Variants in EXOSC10 observed in about 807,000 individuals in gnomAD.
EXOSC10 encodes the protein exosome complex component 10.
A neutral mutation model predicts 126.6 loss-of-function variants in EXOSC10; 94 were observed. The ratio of observed to expected loss-of-function variants is 0.74; its 90% CI spans 0.63 to 0.88. The LOEUF (loss-of-function observed/expected upper bound fraction) is 0.88. EXOSC10 is among the 40% of genes least tolerant of loss of function. EXOSC10 has a pLI of 0.00. For missense variants in EXOSC10, 1,041 were observed against 1,100.5 expected, an observed-to-expected ratio of 0.95 and a Z score of 0.77; for synonymous variants, 395 against 400.8, an observed-to-expected ratio of 0.99 and a Z score of 0.17.
rs891113663 is a variant in EXOSC10 at position 11,090,482 on chromosome 1, C to A, written c.758+72G>T. 4.9e-6 allele frequency: 6 copies of A among 1,228,358 alleles called. No individual in the cohort carries two copies. The African/African-American group carries it at 6.0e-5, about 12-fold the overall frequency. The allele number at this position is 1,228,358 out of a possible 1,614,324, so 76.1% of individuals were successfully genotyped here. The stretch of plus-strand genomic sequence containing the variant: ...TCCTCAGATTGTTTTCATGTATATA[C>A]TCCACAAAAGTGAAAATGTGGCAAA... On this transcript the variant is annotated intron_variant, in intron 6 of 24. Transcript: ENST00000376936.
chr1:11,090,454 T>C (rs1204156349), intron 6 of EXOSC10, 100 bp downstream of exon 6: 2 of 938,780 alleles, frequency 2.1e-6, no homozygotes, highest in Non-Finnish European at 1.7e-6. Flanking sequence ...AGGAAATCAC[T>C]ACTCCTCAGA....
In EXOSC10 at chr1:11,067,299, G is replaced by A. The variant is rs988903778; in HGVS notation, c.2628-551C>T. On this transcript the variant is annotated intron_variant, in intron 24 of 24. Coordinates refer to ENST00000376936, the MANE Select transcript of EXOSC10 (RefSeq NM_001001998.3). ...TACAAAAAATTAGCCGGGCATCATGGCGGGCGCCTGTGGTCCCAGCTACTC... is the reference window on the plus strand; with the variant it reads ...TACAAAAAATTAGCCGGGCATCATGACGGGCGCCTGTGGTCCCAGCTACTC... Among the ~76,000 whole-genome samples the A allele has an allele frequency of 5.9e-5, 9 of 152,182 alleles. No homozygotes were observed. The South Asian group carries it at 8.3e-4, about 14-fold the overall frequency.
At chr1:11,097,958 T>G in intron 2 of EXOSC10, 62 bp downstream of exon 2, 3 of 1,400,832 alleles carry the variant, frequency 2.1e-6, no homozygotes, top group Non-Finnish European at 1.9e-6. Context: ...CAGGAAAAAT[T>G]TATCTACTTC....
In EXOSC10 at chr1:11,094,670, G is replaced by A. The variant is rs939982876; in HGVS notation, c.372+1088C>T. Among the ~76,000 whole-genome samples, 9 of 149,834 alleles carry A rather than the reference G, an allele frequency of 6.0e-5. No homozygotes were observed. The East Asian group carries it at 9.9e-4, about 17-fold the overall frequency. On this transcript the variant is annotated intron_variant, in intron 3 of 24. Coordinates refer to ENST00000376936, the MANE Select transcript of EXOSC10 (RefSeq NM_001001998.3). ...GGCTGGAGTGCAGTGGCATGATCGCGGCTCACTGCAACCTTGGCCTCCCGG... is the reference window on the plus strand; with the variant it reads ...GGCTGGAGTGCAGTGGCATGATCGCAGCTCACTGCAACCTTGGCCTCCCGG...
intron 3 of EXOSC10, chr1:11,095,431 A>G: frequency 4.7e-6 from 1 of 210,678 alleles, no homozygotes; most frequent in Non-Finnish European, 1.0e-5. Context: ...GAGTAAGGGA[A>G]GGCCGGGTGT....
At chr1:11,083,031 A>C (rs191189179) in intron 9 of EXOSC10, among the ~76,000 whole-genome samples, 153 bp from the exon 10 acceptor site, 128 of 152,254 alleles carry the variant, frequency 8.4e-4, no homozygotes, top group African/African-American at 3.0e-3. Flanking sequence ...GCTCACTGCA[A>C]CTTCCGCCTC....
intron 16 of EXOSC10, chr1:11,077,155 T>A: frequency 1.6e-6 from 1 of 625,008 alleles, no homozygotes; most frequent in Non-Finnish European, 2.8e-6. Context: ...CCATGCCAGC[T>A]AATTTTTGTA....
chr1:11,095,211 C>CAAAAAAAA (rs1222636613), intron 3 of EXOSC10, among the ~76,000 whole-genome samples: 4 of 52,432 alleles, frequency 7.6e-5, no homozygotes, highest in African/African-American at 2.0e-4. Context: ...GACTCCGTCT[C>CAAAAAAAA]AAAAAAAAAA....
intron 5 of EXOSC10, 121 bp downstream of exon 5, chr1:11,090,893 C>A: frequency 3.7e-6 from 4 of 1,072,360 alleles, no homozygotes; most frequent in South Asian, 1.5e-5. Flanking sequence ...CTGAACTGGG[C>A]TCCCTTTGAA....
chr1:11,081,059 G>C, intron 11 of EXOSC10, 23 bp downstream of exon 11: 6 of 1,613,240 alleles, frequency 3.7e-6, no homozygotes, highest in Non-Finnish European at 5.1e-6. Context: ...GTCGCGGTCT[G>C]TGTGACTGCG....
intron 19 of EXOSC10, chr1:11,072,401 TCTCATTCAATCCCTCTGTAA>T: frequency 2.2e-6 from 1 of 459,260 alleles, no homozygotes; most frequent in Non-Finnish European, 3.9e-6. Context: ...CCATCCATCA[TCTCATTCAATCCCTCTGTAA>T]CCCTGGGAAA....
At position 11,069,600 on chromosome 1, in the gene EXOSC10, G is replaced by A. The variant is rs766643284; in HGVS notation, c.2447C>T (p.Thr816Met). The stretch of plus-strand genomic sequence containing the variant: ...GTCTGACTGGCTGTAGTCGTAAGGC[G>A]TAAACTCTTTTTCTGGTGGCTCTGG... ...KDPEPPEKEF[T>M]PYDYSQSDFK... is the part of the protein sequence containing the mutation. The change falls in exon 22 of 25, where the codon ACG becomes ATG. Residue 816 changes from threonine (T) to methionine (M), a missense_variant. Physicochemically the swap from Thr to Met is moderately conservative, Grantham distance 81. Coordinates refer to ENST00000376936, the MANE Select transcript of EXOSC10 (RefSeq NM_001001998.3). 2.9e-5 allele frequency: 47 copies of A among 1,614,004 alleles called. No homozygotes were observed. Among genetic ancestry groups the A allele is most frequent in the African/African-American group, 1.6e-4 (12 of 74,904 alleles).
Position 11,073,996 on chromosome 1 carries a change from G to A in EXOSC10, c.2095C>T (p.Leu699=). ...ENPFRMFLPS[L]GHRAPVSQAA... ...TGAGAGACGGGAGCACGGTGTCCCA[G>A]TGAGGGCAGAAACTGGAGGAAGGAA... is the stretch of plus-strand genomic sequence containing the variant. Residue 699 remains leucine, a synonymous_variant, in exon 19 of 25, where the codon CTG becomes TTG. Coordinates refer to ENST00000376936, the MANE Select transcript of EXOSC10 (RefSeq NM_001001998.3). 1.2e-6 allele frequency: 2 copies of A among 1,613,666 alleles called. No individual in the cohort carries two copies. The highest frequency in any genetic ancestry group is 8.5e-7 in the Non-Finnish European group (1 of 1,179,854).
intron 19 of EXOSC10, among the ~76,000 whole-genome samples, chr1:11,073,417 C>G (rs1189487133): frequency 6.6e-6 from 1 of 152,132 alleles, no homozygotes; most frequent in Non-Finnish European, 1.5e-5. Flanking sequence ...CAGGCGTGAG[C>G]CACCATGCCC....
At chr1:11,078,545 C>A (rs1639956843) in intron 14 of EXOSC10, among the ~76,000 whole-genome samples, 1 of 152,144 alleles carries the variant, frequency 6.6e-6, no homozygotes, top group Non-Finnish European at 1.5e-5. Context: ...GCGTGAGCCA[C>A]CGCGCCCGGC....
At chr1:11,087,736 C>T (rs1640574308) in intron 8 of EXOSC10, 64 bp downstream of exon 8, 16 of 1,489,122 alleles carry the variant, frequency 1.1e-5, no homozygotes, top group South Asian at 3.6e-5. Flanking sequence ...TAATTTTATA[C>T]TTCTCCAACA....
chr1:11,083,557 C>T (rs1430234578), intron 9 of EXOSC10, among the ~76,000 whole-genome samples: 8 of 96,652 alleles, frequency 8.3e-5, no homozygotes, highest in East Asian at 7.8e-4. Context: ...AGCAAAACTC[C>T]GTCTCAAAAA....
At chr1:11,069,047 A>G in intron 22 of EXOSC10, 1 of 339,640 alleles carries the variant, frequency 2.9e-6, no homozygotes, top group Admixed American at 4.5e-5. Flanking sequence ...ACACTCCTGT[A>G]TAAAGGGCCA....
At position 11,091,525 on chromosome 1, in the gene EXOSC10, G is replaced by A. The variant is rs372255347; in HGVS notation, c.445C>T (p.Pro149Ser). ...TTCCAGCTGGACACTACCGTTTTGGGGACCTGCAAGCCGGCAGGGAGGACA... is the reference window on the plus strand; with the variant it reads ...TTCCAGCTGGACACTACCGTTTTGGAGACCTGCAAGCCGGCAGGGAGGACA... ...QPVLPAGLQV[P>S]KTVVSSWNRK... The change falls in exon 4 of 25, where the codon CCC (proline) becomes TCC (serine). Residue 149 changes from proline (P) to serine (S), a missense_variant. Physicochemically the swap from Pro to Ser is moderately conservative, Grantham distance 74 (BLOSUM62 -1). Coordinates refer to ENST00000376936, the MANE Select transcript of EXOSC10 (RefSeq NM_001001998.3). 3 of 1,614,010 alleles carry A rather than the reference G, an allele frequency of 1.9e-6. No individual in the cohort carries two copies. The African/African-American group carries it at 4.0e-5, about 22-fold the overall frequency.
Sources: allele counts gnomAD v4.1 joint callset (sites outside exome capture counted in the v4.1 genomes callset), GRCh38; gene constraint gnomAD v4.1.1; transcripts MANE v1.5; gene names NCBI Gene and HGNC (gene_info 2026-07-23, HGNC 2026-07-21).